The following FBXL17 variants were observed in gnomAD, a reference collection of about 807,000 sequenced individuals.
FBXL17 encodes F-box and leucine rich repeat protein 17.
FBXL17 carries 22 observed loss-of-function variants against 66.2 expected under a neutral mutation model. The observed-to-expected ratio is 0.33, with a 90% CI of 0.24 to 0.47. The LOEUF is 0.47. Among genes scored for constraint, FBXL17 ranks in the 20% least tolerant of loss-of-function variants. The probability of loss-of-function intolerance (pLI) is 1.00; values close to 1 mark genes in which losing one functional copy is unlikely to be tolerated. For synonymous variants in FBXL17, 474 were observed against 400.5 expected (o/e 1.18, Z -2.19); for missense variants, 878 against 948.2 (o/e 0.93, Z 0.97).
intron 8 of FBXL17, among the ~76,000 whole-genome samples, chr5:107,873,010 C>T (rs1748507575): frequency 6.6e-6 from 1 of 152,190 alleles, no homozygotes; most frequent in Non-Finnish European, 1.5e-5. Flanking sequence ...CATTTGGTGA[C>T]ACAGAGGCCA....
chr5:108,003,745 T>A (rs530639505), intron 7 of FBXL17, among the ~76,000 whole-genome samples: 19 of 152,178 alleles, frequency 1.2e-4, no homozygotes, highest in Admixed American at 9.2e-4. Context: ...ACAGGGCTGA[T>A]GGAAAAATCA....
chr5:108,021,082 T>C (rs777524813), intron 6 of FBXL17, 81 bp from the exon 7 acceptor site: 1 of 969,580 alleles, frequency 1.0e-6, no homozygotes, highest in South Asian at 1.4e-5. Context: ...AAGAGGTCAG[T>C]ATTTGGTGAA....
intron 4 of FBXL17, among the ~76,000 whole-genome samples, chr5:108,251,272 C>G (rs1202225105): frequency 6.6e-6 from 1 of 151,996 alleles, no homozygotes; most frequent in Non-Finnish European, 1.5e-5. Flanking sequence ...TTTTGCCAAC[C>G]TGCAGGGTAA....
In FBXL17 at chr5:108,381,795, G is replaced by A; in HGVS notation, c.-104C>T. ...CGCTCGCTGGCTCGGCCCCCGGAGG[G>A]GTCGCCCTTCCTGCGCACACACACG... is the stretch of plus-strand genomic sequence containing the variant. On this transcript the variant is annotated 5_prime_UTR_variant, in exon 1 of 9. Transcript: ENST00000542267. The A allele has an allele frequency of 7.4e-7, 1 of 1,354,720 alleles. No homozygotes were observed. Among genetic ancestry groups the A allele is most frequent in the Non-Finnish European group, 9.5e-7 (1 of 1,058,180 alleles). The allele number at this position is 1,354,720 out of a possible 1,614,324, so 83.9% of individuals were successfully genotyped here.
intron 4 of FBXL17, among the ~76,000 whole-genome samples, chr5:108,344,582 A>T (rs1282101618): frequency 6.6e-6 from 1 of 152,220 alleles, no homozygotes; most frequent in Non-Finnish European, 1.5e-5. Context: ...AGCTATTTTT[A>T]GAATAACTCA....
At chr5:107,922,435 G>C (rs949919416) in intron 7 of FBXL17, among the ~76,000 whole-genome samples, 3 of 152,116 alleles carry the variant, frequency 2.0e-5, no homozygotes, top group African/African-American at 7.2e-5. Context: ...CAATCCCAGT[G>C]GGTAATGGCC....
intron 4 of FBXL17, among the ~76,000 whole-genome samples, chr5:108,322,855 G>A (rs1256508444): frequency 2.6e-5 from 4 of 151,782 alleles, no homozygotes; most frequent in Non-Finnish European, 4.4e-5. Flanking sequence ...CAAGACTCCT[G>A]GAAAAAAAGA....
In FBXL17 at chr5:108,318,951, AAC is replaced by A. The variant is rs532394283; in HGVS notation, c.1506+29446_1506+29447del. 1.9e-3 allele frequency among the ~76,000 whole-genome samples: 285 copies of A among 152,004 alleles called. 1 individual carries two copies. The highest frequency in any genetic ancestry group is 6.7e-3 in the African/African-American group (277 of 41,526). On this transcript the variant is annotated intron_variant, in intron 4 of 8. Transcript: ENST00000542267. ...ATATTGATTTAAAAAAATAAGTCAT[AAC>A]ACATCCCAAATCAAGGCCAAACCCA...
intron 4 of FBXL17, among the ~76,000 whole-genome samples, chr5:108,323,459 A>T (rs1384223853): frequency 6.6e-6 from 1 of 151,978 alleles, no homozygotes; most frequent in Non-Finnish European, 1.5e-5. Flanking sequence ...AGACACAAAT[A>T]GATGGAAAGA....
chr5:108,372,982 C>G (rs1435586493), intron 1 of FBXL17, among the ~76,000 whole-genome samples: 1 of 151,826 alleles, frequency 6.6e-6, no homozygotes, highest in African/African-American at 2.4e-5. Flanking sequence ...GCACAAAATT[C>G]ATAAAGCTGT....
intron 6 of FBXL17, among the ~76,000 whole-genome samples, chr5:108,118,005 A>C (rs945245902): frequency 2.6e-5 from 4 of 152,110 alleles, no homozygotes; most frequent in African/African-American, 7.2e-5. Flanking sequence ...GGGAGGTTGA[A>C]GTTTCCATTA....
rs1048031087 is a variant in FBXL17 at position 108,186,221 on chromosome 5, T to C, written c.1641A>G (p.Leu547=). The C allele has an allele frequency of 1.9e-6, 3 of 1,612,966 alleles. No individual in the cohort carries two copies. Among genetic ancestry groups the C allele is most frequent in the Non-Finnish European group, 2.5e-6 (3 of 1,179,304 alleles). ...CATTATCCAGTTCAGTGATATGACG[T>C]AGGTCCAAGCTGGAAAGGTTTCTTA... ...TKLRNLSSLD[L]RHITELDNET... is the part of the protein sequence containing the mutation. Residue 547 remains leucine (L), a synonymous_variant, in exon 6 of 9, where the codon CTA becomes CTG. Coordinates refer to ENST00000542267, the MANE Select transcript of FBXL17 (RefSeq NM_001163315.3).
intron 4 of FBXL17, among the ~76,000 whole-genome samples, chr5:108,309,269 A>C (rs1323647359): frequency 6.6e-6 from 1 of 152,082 alleles, no homozygotes; most frequent in Non-Finnish European, 1.5e-5. Flanking sequence ...TAATATTAAA[A>C]TACATACATT....
chr5:108,080,122 A>T (rs1297801569), intron 6 of FBXL17, among the ~76,000 whole-genome samples: 1 of 152,246 alleles, frequency 6.6e-6, no homozygotes, highest in Non-Finnish European at 1.5e-5. Context: ...TGGCTGATGG[A>T]AACCCATGAA....
At chr5:108,024,447 T>C (rs1754716144) in intron 6 of FBXL17, among the ~76,000 whole-genome samples, 1 of 152,168 alleles carries the variant, frequency 6.6e-6, no homozygotes, top group South Asian at 2.1e-4. Context: ...TGGAGCCCTA[T>C]ATCATCATTC....
intron 4 of FBXL17, among the ~76,000 whole-genome samples, chr5:108,230,587 G>A (rs1361218908): frequency 6.6e-6 from 1 of 152,092 alleles, no homozygotes; most frequent in African/African-American, 2.4e-5. Context: ...TAGGAGGGGG[G>A]TAAGGGATAA....
chr5:108,341,228 T>C (rs1213090398), intron 4 of FBXL17, among the ~76,000 whole-genome samples: 2 of 152,156 alleles, frequency 1.3e-5, no homozygotes, highest in Admixed American at 6.5e-5. Flanking sequence ...ATGCAAATTG[T>C]AGACTCATAT....
chr5:108,046,559 A>G (rs1270483805), intron 6 of FBXL17, among the ~76,000 whole-genome samples: 1 of 152,022 alleles, frequency 6.6e-6, no homozygotes, highest in Admixed American at 6.6e-5. Flanking sequence ...TTACATGAAC[A>G]TTTTTTAGAA....
intron 6 of FBXL17, among the ~76,000 whole-genome samples, chr5:108,092,462 C>G (rs548947215): frequency 1.3e-5 from 2 of 152,024 alleles, no homozygotes; most frequent in Non-Finnish European, 2.9e-5. Flanking sequence ...ATCACAGGTA[C>G]TTGCCACCAC....
Sources: allele counts gnomAD v4.1 joint callset (sites outside exome capture counted in the v4.1 genomes callset), GRCh38; gene constraint gnomAD v4.1.1; transcripts MANE v1.5; gene names NCBI Gene and HGNC (gene_info 2026-07-23, HGNC 2026-07-21).